The following SYNDIG1 variants were observed in gnomAD, a reference collection of about 807,000 sequenced individuals.
The protein encoded by SYNDIG1 is synapse differentiation-inducing gene protein 1.
A neutral mutation model predicts 19.4 loss-of-function variants in SYNDIG1; 9 were observed. That is an observed-to-expected ratio of 0.46 (90% CI 0.28 to 0.81). SYNDIG1 has a LOEUF of 0.81. Among genes scored for constraint, SYNDIG1 ranks in the 30% least tolerant of loss-of-function variants. The probability of loss-of-function intolerance (pLI) is 0.12; values close to 1 mark genes in which losing one functional copy is unlikely to be tolerated. For synonymous variants in SYNDIG1, 141 were observed against 145.9 expected (o/e 0.97, Z 0.24); for missense variants, 311 against 343.3 (o/e 0.91, Z 0.74).
At chr20:24,470,963 G>T (rs1049781584) in intron 1 of SYNDIG1, among the ~76,000 whole-genome samples, 12 of 151,810 alleles carry the variant, frequency 7.9e-5, no homozygotes, top group Non-Finnish European at 1.6e-4. Context: ...CTGATTGGGG[G>T]TGTCGAGGGG....
chr20:24,499,087 C>T (rs1029356116), intron 1 of SYNDIG1, among the ~76,000 whole-genome samples: 8 of 152,206 alleles, frequency 5.3e-5, no homozygotes, highest in Non-Finnish European at 7.3e-5. Flanking sequence ...TGCAGTGGCA[C>T]GATCTCGGCT....
intron 3 of SYNDIG1, among the ~76,000 whole-genome samples, chr20:24,618,350 G>A (rs1233110615): frequency 6.0e-5 from 9 of 150,742 alleles, no homozygotes; most frequent in East Asian, 6.0e-4. Context: ...AGGAGATCCC[G>A]GGGAGGGGGG....
intron 3 of SYNDIG1, among the ~76,000 whole-genome samples, chr20:24,654,970 G>T (rs1414592366): frequency 6.6e-6 from 1 of 152,210 alleles, no homozygotes; most frequent in East Asian, 1.9e-4. Context: ...ATGGCCATTT[G>T]CAGGCACGCA....
intron 2 of SYNDIG1, among the ~76,000 whole-genome samples, chr20:24,556,490 G>A (rs1416131439): frequency 6.6e-6 from 1 of 152,136 alleles, no homozygotes; most frequent in Non-Finnish European, 1.5e-5. Flanking sequence ...AGCTCTTTTA[G>A]GGCAGGCCTT....
Position 24,655,170 on chromosome 20 carries a change from C to T in SYNDIG1, c.619-10176C>T, listed in dbSNP as rs149401762. Among the ~76,000 whole-genome samples the T allele has an allele frequency of 1.9e-3, 296 of 152,110 alleles. 2 individuals carry two copies. The highest frequency in any genetic ancestry group is 6.7e-3 in the African/African-American group (279 of 41,450). ...TGGAGCAGAACACCAGGAGTGTGAACGCCAGGAGGAAATAAGAAGGAATTA... is the reference window on the plus strand; with the variant it reads ...TGGAGCAGAACACCAGGAGTGTGAATGCCAGGAGGAAATAAGAAGGAATTA... On this transcript the variant is annotated intron_variant, in intron 3 of 3. Transcript: ENST00000376862.
At chr20:24,507,121 C>T (rs1273684743) in intron 1 of SYNDIG1, among the ~76,000 whole-genome samples, 1 of 152,096 alleles carries the variant, frequency 6.6e-6, no homozygotes, top group Non-Finnish European at 1.5e-5. Flanking sequence ...CGTCATCAGC[C>T]GTTCCCAGCT....
At position 24,659,709 on chromosome 20, in the gene SYNDIG1, T is replaced by C. The variant is rs111775838; in HGVS notation, c.619-5637T>C. 3.3e-5 allele frequency among the ~76,000 whole-genome samples: 5 copies of C among 152,302 alleles called. 1 individual carries two copies. Among genetic ancestry groups the C allele is most frequent in the African/African-American group, 9.6e-5 (4 of 41,556 alleles). The stretch of plus-strand genomic sequence containing the variant: ...GAGGCCTGGAGAGGGAGCCGGGCAA[T>C]ACCTGCCCTTGACAGGTGCTGCCTT... On this transcript the variant is annotated intron_variant, in intron 3 of 3. Coordinates refer to ENST00000376862, the MANE Select transcript of SYNDIG1 (RefSeq NM_024893.3).
At chr20:24,567,707 A>G (rs1182161569) in intron 2 of SYNDIG1, among the ~76,000 whole-genome samples, 1 of 152,220 alleles carries the variant, frequency 6.6e-6, no homozygotes, top group African/African-American at 2.4e-5. Flanking sequence ...GCATCTGCCT[A>G]CTGCCTCCCT....
At chr20:24,584,755 G>A (rs943004139) in intron 2 of SYNDIG1, 101 bp from the exon 3 acceptor site, 1 of 1,541,914 alleles carries the variant, frequency 6.5e-7, no homozygotes, top group African/African-American at 1.4e-5. Context: ...TCCCGGGGAG[G>A]GCCTGCGCCA....
At chr20:24,540,572 T>C (rs774380125) in intron 1 of SYNDIG1, among the ~76,000 whole-genome samples, 1 of 152,184 alleles carries the variant, frequency 6.6e-6, no homozygotes, top group Non-Finnish European at 1.5e-5. Context: ...CATGTTTTTA[T>C]CATGAAAAGG....
intron 2 of SYNDIG1, among the ~76,000 whole-genome samples, chr20:24,584,223 C>G (rs1208084970): frequency 6.6e-6 from 1 of 152,164 alleles, no homozygotes; most frequent in South Asian, 2.1e-4. Context: ...AAGCCACCCT[C>G]GTGCTCCAGG....
intron 3 of SYNDIG1, among the ~76,000 whole-genome samples, chr20:24,631,414 T>A (rs2059241415): frequency 6.6e-6 from 1 of 152,214 alleles, no homozygotes; most frequent in Non-Finnish European, 1.5e-5. Context: ...CATCCCCACC[T>A]GCGGGCGCGA....
At chr20:24,616,371 G>T (rs1385967291) in intron 3 of SYNDIG1, among the ~76,000 whole-genome samples, 1 of 152,210 alleles carries the variant, frequency 6.6e-6, no homozygotes, top group African/African-American at 2.4e-5. Context: ...CTTTCACCAA[G>T]GCCTTTCCAG....
intron 3 of SYNDIG1, among the ~76,000 whole-genome samples, chr20:24,630,871 C>T (rs73905411): frequency 0.019 from 2,904 of 152,240 alleles, 95 homozygotes; most frequent in African/African-American, 0.066. Context: ...AGACTAATAC[C>T]GAACAAAGAA....
At chr20:24,652,899 C>A (rs966782294) in intron 3 of SYNDIG1, among the ~76,000 whole-genome samples, 2 of 152,158 alleles carry the variant, frequency 1.3e-5, no homozygotes, top group Non-Finnish European at 2.9e-5. Flanking sequence ...CACAGCCACC[C>A]CCTGCTCATT....
At chr20:24,482,297 CT>C (rs1271545110) in intron 1 of SYNDIG1, among the ~76,000 whole-genome samples, 1 of 152,174 alleles carries the variant, frequency 6.6e-6, no homozygotes, top group Non-Finnish European at 1.5e-5. Flanking sequence ...TCTGTCTCCC[CT>C]GACCTTGTGA....
chr20:24,647,830 C>A (rs1349345393), intron 3 of SYNDIG1, among the ~76,000 whole-genome samples: 1 of 150,914 alleles, frequency 6.6e-6, no homozygotes, highest in Non-Finnish European at 1.5e-5. Flanking sequence ...ATCAGTCAGA[C>A]TGAGCTGCTG....
chr20:24,502,374 G>A (rs2056476287), intron 1 of SYNDIG1: 1 of 152,366 alleles, frequency 6.6e-6, no homozygotes, highest in Non-Finnish European at 1.5e-5. Flanking sequence ...AGCAGGGCTT[G>A]GAGTGTCACG....
intron 1 of SYNDIG1, among the ~76,000 whole-genome samples, chr20:24,520,109 A>G (rs188094256): frequency 6.6e-6 from 1 of 152,124 alleles, no homozygotes; most frequent in South Asian, 2.1e-4. Context: ...CTGACCCTTG[A>G]TGGAGTCCGA....
Sources: gnomAD v4.1 joint callset for allele counts (sites outside exome capture counted in the v4.1 genomes callset) on GRCh38, gnomAD v4.1.1 for gene constraint, MANE v1.5 for transcripts, NCBI Gene and HGNC (gene_info 2026-07-23, HGNC 2026-07-21) for gene names.